MYO6: variants seen among roughly 807,000 people sequenced by gnomAD.
MYO6 encodes the protein unconventional myosin-VI.
A neutral mutation model predicts 178.7 loss-of-function variants in MYO6; 74 were observed. The observed-to-expected ratio is 0.41, with a 90% CI of 0.34 to 0.50. The LOEUF (loss-of-function observed/expected upper bound fraction) is 0.50, where lower values mean the gene tolerates loss of function less well. Among genes scored for constraint, MYO6 ranks in the 20% least tolerant of loss-of-function variants. The pLI is 0.09. For synonymous variants in MYO6, 477 were observed against 504.6 expected, an observed-to-expected ratio of 0.95 and a Z score of 0.73; for missense variants, 1,330 against 1,547.4, an observed-to-expected ratio of 0.86 and a Z score of 2.36.
chr6:75,789,597 A>G (rs1435676731), intron 1 of MYO6, among the ~76,000 whole-genome samples: 1 of 152,006 alleles, frequency 6.6e-6, no homozygotes, highest in African/African-American at 2.4e-5. Flanking sequence ...GCTTCGGAGA[A>G]TATAAGCTTT....
At chr6:75,870,729 A>T in intron 19 of MYO6, 44 bp downstream of exon 19, 1 of 1,499,950 alleles carries the variant, frequency 6.7e-7, no homozygotes, top group Non-Finnish European at 9.3e-7. Flanking sequence ...GGGTCATCTA[A>T]AACTATTATT....
chr6:75,870,085 G>T (rs1777017137), intron 18 of MYO6, among the ~76,000 whole-genome samples: 1 of 151,604 alleles, frequency 6.6e-6, no homozygotes, highest in Admixed American at 6.6e-5. Flanking sequence ...CTGCACTCTA[G>T]CCTGGGCGAC....
intron 33 of MYO6, among the ~76,000 whole-genome samples, chr6:75,913,798 G>A (rs1018089556): frequency 4.6e-5 from 7 of 152,026 alleles, no homozygotes; most frequent in African/African-American, 1.7e-4. Flanking sequence ...ATCTGACAGG[G>A]GTTTGTTGCT....
At chr6:75,910,177 T>C (rs190645887) in intron 32 of MYO6, among the ~76,000 whole-genome samples, 14 of 152,328 alleles carry the variant, frequency 9.2e-5, no homozygotes, top group Admixed American at 8.5e-4. Context: ...GTTCACTGTC[T>C]GTGTAGTGAG....
At chr6:75,851,068 CAA>C (rs976566547) in intron 11 of MYO6, among the ~76,000 whole-genome samples, 1 of 150,890 alleles carries the variant, frequency 6.6e-6, no homozygotes, top group Non-Finnish European at 1.5e-5. Context: ...GATTCTAACA[CAA>C]AAAAAAGTCT....
chr6:75,767,123 T>A (rs559541830), intron 1 of MYO6, among the ~76,000 whole-genome samples: 1 of 152,158 alleles, frequency 6.6e-6, no homozygotes, highest in South Asian at 2.1e-4. Context: ...CCTCCCAGGT[T>A]CAAGTGATTC....
chr6:75,804,974 TAC>T (rs1332466425), intron 1 of MYO6, among the ~76,000 whole-genome samples: 3 of 141,726 alleles, frequency 2.1e-5, no homozygotes, highest in Admixed American at 7.2e-5. Context: ...TACACATATA[TAC>T]ACACACATAT....
chr6:75,754,677 A>G (rs76583813), intron 1 of MYO6, among the ~76,000 whole-genome samples: 253 of 152,246 alleles, frequency 1.7e-3, no homozygotes, highest in African/African-American at 5.9e-3. Flanking sequence ...AGATATGACA[A>G]GTGTGAACTG....
intron 1 of MYO6, among the ~76,000 whole-genome samples, chr6:75,751,756 T>C (rs2149945076): frequency 6.6e-6 from 1 of 152,162 alleles, no homozygotes; most frequent in Non-Finnish European, 1.5e-5. Context: ...AAAATGTAGC[T>C]TTCTTTAGAA....
At position 75,898,429 on chromosome 6, in the gene MYO6, G is replaced by T. The variant is rs1779474970; in HGVS notation, c.3176+18G>T. ...TTGAGTAGGTTAGTGCAGTGTAATT[G>T]GGGGAAATAAGTGTTCACCTCAAAA... On this transcript the variant is annotated intron_variant, in intron 30 of 34. Coordinates refer to ENST00000369977, the MANE Select transcript of MYO6 (RefSeq NM_004999.4). 3 of 1,598,848 alleles carry T rather than the reference G, an allele frequency of 1.9e-6. No homozygotes were observed. The highest frequency in any genetic ancestry group is 2.2e-5 in the East Asian group (1 of 44,728).
intron 13 of MYO6, among the ~76,000 whole-genome samples, chr6:75,858,537 G>A (rs546807717): frequency 2.4e-4 from 36 of 152,200 alleles, no homozygotes; most frequent in African/African-American, 8.2e-4. Context: ...ACCCGGGGGC[G>A]GAGGTTGCAG....
In MYO6 at chr6:75,918,445, G is replaced by A. The variant is rs754910840; in HGVS notation, c.*3433G>A. 2.0e-5 allele frequency: 3 copies of A among 152,190 alleles called. No individual in the cohort carries two copies. The highest frequency in any genetic ancestry group is 1.9e-4 in the East Asian group (1 of 5,196). The allele number at this position is 152,190 out of a possible 1,614,324, so 9.4% of individuals were successfully genotyped here. Reference sequence around the variant, plus strand: ...ACACAGAGCACTCCTAGATCTCTACGAAATTTTAGAATGAATAATGTGTAA... The same window carrying A: ...ACACAGAGCACTCCTAGATCTCTACAAAATTTTAGAATGAATAATGTGTAA... On this transcript the variant is annotated 3_prime_UTR_variant, in exon 35 of 35. Coordinates refer to ENST00000369977, the MANE Select transcript of MYO6 (RefSeq NM_004999.4).
At chr6:75,878,549 T>G (rs1347470820) in intron 20 of MYO6, among the ~76,000 whole-genome samples, 1 of 152,242 alleles carries the variant, frequency 6.6e-6, no homozygotes, top group Non-Finnish European at 1.5e-5. Flanking sequence ...CCTTTGCCAG[T>G]CAAATGGGTT....
intron 4 of MYO6, among the ~76,000 whole-genome samples, chr6:75,829,030 T>C (rs1186398381): frequency 1.3e-5 from 2 of 152,074 alleles, no homozygotes; most frequent in Admixed American, 1.3e-4. Flanking sequence ...GGAATGTATA[T>C]TGAAATTAAA....
intron 1 of MYO6, among the ~76,000 whole-genome samples, chr6:75,799,143 C>T (rs1426038698): frequency 6.6e-6 from 1 of 152,170 alleles, no homozygotes; most frequent in Non-Finnish European, 1.5e-5. Flanking sequence ...AATCCCAGCA[C>T]TTTGGGAGGC....
At chr6:75,866,881 T>A in intron 17 of MYO6, 51 bp from the exon 18 acceptor site, 3 of 1,571,954 alleles carry the variant, frequency 1.9e-6, no homozygotes, top group Non-Finnish European at 2.6e-6. Context: ...CCATGTTAAG[T>A]GATGTTATCA....
At chr6:75,884,851 A>G (rs552623872) in intron 23 of MYO6, among the ~76,000 whole-genome samples, 2 of 152,234 alleles carry the variant, frequency 1.3e-5, no homozygotes, top group South Asian at 4.1e-4. Flanking sequence ...AGGTGTTACA[A>G]CTGTGATGTT....
At chr6:75,836,421 T>C (rs1773649671) in intron 7 of MYO6, among the ~76,000 whole-genome samples, 1 of 152,166 alleles carries the variant, frequency 6.6e-6, no homozygotes, top group African/African-American at 2.4e-5. Flanking sequence ...AGTCTTCTTG[T>C]ACCTCAGTTT....
At chr6:75,899,837 A>T (rs1055076924) in intron 30 of MYO6, among the ~76,000 whole-genome samples, 5 of 146,352 alleles carry the variant, frequency 3.4e-5, no homozygotes, top group African/African-American at 1.3e-4. Context: ...TGCACCCACT[A>T]ACTCGTCATC....
Sources: allele counts gnomAD v4.1 joint callset (sites outside exome capture counted in the v4.1 genomes callset), GRCh38; gene constraint gnomAD v4.1.1; transcripts MANE v1.5; gene names NCBI Gene and HGNC (gene_info 2026-07-23, HGNC 2026-07-21).